CDH23: variants seen among roughly 807,000 people sequenced by gnomAD.
CDH23 encodes the protein cadherin-23.
Under a neutral mutation model 317.1 loss-of-function variants are expected in CDH23, and 189 were observed. The observed-to-expected ratio is 0.60, with a 90% CI of 0.53 to 0.67. The LOEUF is 0.67. Among genes scored for constraint, CDH23 ranks in the 30% least tolerant of loss-of-function variants. CDH23 has a pLI of 0.00. For missense variants in CDH23, 4,401 were observed against 4,592.4 expected (o/e 0.96, Z 1.20); for synonymous variants, 1,839 against 1,876.8 (o/e 0.98, Z 0.52).
At chr10:71,445,872 G>A (rs948912064) in intron 2 of CDH23, among the ~76,000 whole-genome samples, 6 of 140,272 alleles carry the variant, frequency 4.3e-5, no homozygotes, top group African/African-American at 1.3e-4. Flanking sequence ...AAAAAAAATC[G>A]GCAAATTAAA....
At chr10:71,746,718 C>T (rs1193932715) in intron 38 of CDH23, among the ~76,000 whole-genome samples, 1 of 152,232 alleles carries the variant, frequency 6.6e-6, no homozygotes, top group East Asian at 1.9e-4. Flanking sequence ...GAGGGCCTAA[C>T]TGTGGCCTCC....
At chr10:71,805,243 T>C (rs930763704) in intron 55 of CDH23, among the ~76,000 whole-genome samples, 2 of 152,098 alleles carry the variant, frequency 1.3e-5, no homozygotes, top group Non-Finnish European at 2.9e-5. Flanking sequence ...GGAAGTGAGG[T>C]GGCAAGTCCA....
intron 52 of CDH23, 33 bp from the exon 53 acceptor site, chr10:71,800,603 T>G: frequency 6.2e-7 from 1 of 1,607,770 alleles, no homozygotes; most frequent in Non-Finnish European, 8.5e-7. Flanking sequence ...TTTTGAATGA[T>G]TGAAGGACCT....
chr10:71,636,032 C>A (rs776634511), intron 11 of CDH23, among the ~76,000 whole-genome samples: 1 of 151,950 alleles, frequency 6.6e-6, no homozygotes, highest in Admixed American at 6.6e-5. Flanking sequence ...GCCCTCCTTG[C>A]GGGTTAGTAT....
intron 14 of CDH23, chr10:71,647,018 C>T (rs934211368): frequency 1.3e-4 from 125 of 985,090 alleles, no homozygotes; most frequent in Non-Finnish European, 1.4e-4. Context: ...TGGAGGGTAC[C>T]GGGGCACCCC....
intron 9 of CDH23, among the ~76,000 whole-genome samples, chr10:71,595,274 A>G (rs565661340): frequency 6.6e-6 from 1 of 152,030 alleles, no homozygotes; most frequent in Non-Finnish European, 1.5e-5. Flanking sequence ...CTGCCATCCT[A>G]TTTCTCTAAT....
chr10:71,488,366 C>T (rs1356856558), intron 3 of CDH23, among the ~76,000 whole-genome samples: 1 of 152,210 alleles, frequency 6.6e-6, no homozygotes, highest in East Asian at 1.9e-4. Flanking sequence ...GGGAATCTTT[C>T]TGCGCAGGAG....
chr10:71,400,071 TC>T lies in CDH23; in HGVS notation c.-6+2757del, dbSNP rs1353696103. On this transcript the variant is annotated intron_variant, in intron 1 of 69. Coordinates refer to ENST00000224721, the MANE Select transcript of CDH23 (RefSeq NM_022124.6). ...AGAGGGGAAGATACTGACCAAGCTC[TC>T]CCCTGACCCCAGCCTGGACTGGACA... Among the ~76,000 whole-genome samples the T allele has an allele frequency of 3.9e-5, 6 of 152,272 alleles. No homozygotes were observed. In the East Asian group the frequency reaches 1.2e-3, roughly 29 times the overall value.
intron 12 of CDH23, among the ~76,000 whole-genome samples, chr10:71,644,861 A>C (rs1294522532): frequency 6.6e-6 from 1 of 152,320 alleles, no homozygotes. Flanking sequence ...GCTCTTACAC[A>C]TCACAGGCCG....
chr10:71,432,300 G>A (rs1849413789), intron 1 of CDH23, among the ~76,000 whole-genome samples: 1 of 143,836 alleles, frequency 7.0e-6, no homozygotes, highest in Non-Finnish European at 1.5e-5. Context: ...GTGTGTGTGA[G>A]TGTGTGAATG....
intron 8 of CDH23, among the ~76,000 whole-genome samples, chr10:71,577,188 T>G (rs1477988488): frequency 6.6e-6 from 1 of 152,198 alleles, no homozygotes; most frequent in Non-Finnish European, 1.5e-5. Flanking sequence ...GTTCTTGACT[T>G]CATGCCATAG....
intron 55 of CDH23, 70 bp downstream of exon 55, chr10:71,803,490 A>G: frequency 1.4e-6 from 2 of 1,380,670 alleles, no homozygotes; most frequent in Non-Finnish European, 1.0e-6. Flanking sequence ...GAAGAGTGGA[A>G]GCACCCCACT....
intron 28 of CDH23, chr10:71,715,497 C>A (rs113042561): frequency 6.4e-6 from 1 of 155,812 alleles, no homozygotes; most frequent in East Asian, 1.9e-4. Flanking sequence ...AGTGTCTTGG[C>A]CCCGGTGTAG....
intron 6 of CDH23, among the ~76,000 whole-genome samples, chr10:71,515,763 A>G (rs1180501988): frequency 3.3e-5 from 5 of 152,270 alleles, no homozygotes; most frequent in Admixed American, 2.0e-4. Flanking sequence ...AGTCCTTAGC[A>G]CAGCCTGTGG....
In CDH23 at chr10:71,439,917, G is replaced by A. The variant is rs115543769; in HGVS notation, c.67+19G>A. On this transcript the variant is annotated intron_variant, in intron 2 of 69. Transcript: ENST00000224721. ...TGCTGGGGTAAGTCCAGTCCTCCCC[G>A]TGTCTATCCCATGGGCAGCCTCTGC... 1,404 of 1,559,384 alleles carry A rather than the reference G, an allele frequency of 9.0e-4. 2 individuals are homozygous for A. The highest frequency in any genetic ancestry group is 7.4e-3 in the African/African-American group (546 of 73,640).
At chr10:71,670,968 T>TC (rs1178918624) in intron 14 of CDH23, among the ~76,000 whole-genome samples, 1 of 150,422 alleles carries the variant, frequency 6.6e-6, no homozygotes, top group African/African-American at 2.4e-5. Context: ...CATCTTTTTT[T>TC]TTTTTTTTTT....
At chr10:71,732,721 A>G (rs1839432382) in intron 32 of CDH23, 3 of 1,208,542 alleles carry the variant, frequency 2.5e-6, no homozygotes, top group South Asian at 2.4e-5. Context: ...GTTTATACCT[A>G]TGCAGGCTGG....
chr10:71,781,057 G>A (rs757773443), intron 41 of CDH23, among the ~76,000 whole-genome samples: 2 of 152,134 alleles, frequency 1.3e-5, no homozygotes, highest in Non-Finnish European at 2.9e-5. Context: ...GAGATACCAG[G>A]TAGAGGTTGC....
chr10:71,563,394 C>A (rs1337129502), intron 6 of CDH23, among the ~76,000 whole-genome samples: 1 of 152,132 alleles, frequency 6.6e-6, no homozygotes, highest in Non-Finnish European at 1.5e-5. Flanking sequence ...GATCCCACCC[C>A]TCCCCTCACA....
Sources: allele counts gnomAD v4.1 joint callset (sites outside exome capture counted in the v4.1 genomes callset), GRCh38; gene constraint gnomAD v4.1.1; transcripts MANE v1.5; gene names NCBI Gene and HGNC (gene_info 2026-07-23, HGNC 2026-07-21).